VEZT: variants seen among roughly 807,000 people sequenced by gnomAD.
VEZT encodes vezatin.
A neutral mutation model predicts 79.9 loss-of-function variants in VEZT; 39 were observed. That is an observed-to-expected ratio of 0.49 (90% CI 0.38 to 0.64). The LOEUF is 0.64. VEZT is among the 30% of genes least tolerant of loss of function. VEZT has a pLI of 0.00. For missense variants in VEZT, 837 were observed against 893.1 expected (o/e 0.94, Z 0.80); for synonymous variants, 325 against 327.6 (o/e 0.99, Z 0.09).
intron 5 of VEZT, among the ~76,000 whole-genome samples, chr12:95,268,815 T>C (rs143880772): frequency 2.3e-3 from 355 of 152,350 alleles, no homozygotes; most frequent in South Asian, 4.3e-3. Flanking sequence ...TGAATCATAA[T>C]TTTTTAGACA....
At chr12:95,294,170 A>G in intron 9 of VEZT, 102 bp from the exon 10 acceptor site, 1 of 916,566 alleles carries the variant, frequency 1.1e-6, no homozygotes. Flanking sequence ...TACAGGCATG[A>G]GCCACCACAC....
intron 1 of VEZT, among the ~76,000 whole-genome samples, chr12:95,240,471 C>G (rs376634068): frequency 1.3e-4 from 20 of 152,188 alleles, no homozygotes; most frequent in Middle Eastern, 3.4e-3. Context: ...AAATTTAAGG[C>G]TCTACTGGAG....
intron 8 of VEZT, among the ~76,000 whole-genome samples, chr12:95,285,982 CTTTTTTTTTTTTT>C (rs869030351): frequency 2.3e-5 from 2 of 85,854 alleles, no homozygotes; most frequent in African/African-American, 4.1e-5. Context: ...CCGACCCCTT[CTTTTTTTTTTTTT>C]TTTTTTTTTT....
chr12:95,239,822 C>T (rs945870044), intron 1 of VEZT, among the ~76,000 whole-genome samples: 4 of 152,046 alleles, frequency 2.6e-5, no homozygotes, highest in Non-Finnish European at 5.9e-5. Flanking sequence ...TGTGGTGGCA[C>T]ATGCCTTTAA....
intron 1 of VEZT, among the ~76,000 whole-genome samples, chr12:95,237,560 A>G (rs2060363622): frequency 6.6e-6 from 1 of 152,230 alleles, no homozygotes; most frequent in Admixed American, 6.5e-5. Context: ...GGAGAAGATC[A>G]AGGGCCATTA....
intron 1 of VEZT, chr12:95,224,314 A>T: frequency 2.5e-6 from 1 of 397,032 alleles, no homozygotes. Context: ...ACCTAAAGCC[A>T]CAACTTTTTT....
intron 3 of VEZT, chr12:95,262,184 G>A (rs2064668296): frequency 6.6e-6 from 1 of 152,132 alleles, no homozygotes; most frequent in African/African-American, 2.4e-5. Context: ...TACTCTAGGT[G>A]TATTTCATCA....
intron 1 of VEZT, among the ~76,000 whole-genome samples, chr12:95,230,825 A>G (rs1453968945): frequency 6.6e-6 from 1 of 152,104 alleles, no homozygotes; most frequent in African/African-American, 2.4e-5. Context: ...CTAGATTTCA[A>G]ATAATATTTA....
chr12:95,282,048 A>T, intron 7 of VEZT, among the ~76,000 whole-genome samples: 1 of 152,014 alleles, frequency 6.6e-6, no homozygotes, highest in East Asian at 1.9e-4. Flanking sequence ...AAATTATCTC[A>T]TTCCATCAAC....
chr12:95,273,613 A>T (rs1482390325), intron 6 of VEZT, among the ~76,000 whole-genome samples: 1 of 152,192 alleles, frequency 6.6e-6, no homozygotes, highest in Non-Finnish European at 1.5e-5. Context: ...CCAGATCCAG[A>T]TGGTTTTATA....
chr12:95,258,332 G>C (rs2063798888), intron 3 of VEZT: 1 of 453,474 alleles, frequency 2.2e-6, no homozygotes, highest in East Asian at 7.0e-5. Context: ...GTCATAGTCT[G>C]CCTAGGCCTG....
chr12:95,294,212 C>T, intron 9 of VEZT, 60 bp from the exon 10 acceptor site: 1 of 1,393,902 alleles, frequency 7.2e-7, no homozygotes, highest in Non-Finnish European at 9.9e-7. Flanking sequence ...ATTAGATGTT[C>T]ACTCATTTCT....
chr12:95,250,277 T>C (rs1297422039), intron 1 of VEZT, among the ~76,000 whole-genome samples: 1 of 140,302 alleles, frequency 7.1e-6, no homozygotes, highest in Non-Finnish European at 1.5e-5. Context: ...GAATCAAGAT[T>C]TATTATTTTT....
intron 10 of VEZT, 126 bp from the exon 11 acceptor site, chr12:95,295,925 T>G: frequency 1.4e-6 from 1 of 701,742 alleles, no homozygotes; most frequent in Non-Finnish European, 2.3e-6. Context: ...AGCTCTGCTT[T>G]AATGACCTGT....
intron 2 of VEZT, among the ~76,000 whole-genome samples, chr12:95,255,567 G>C (rs1306299978): frequency 6.6e-6 from 1 of 152,090 alleles, no homozygotes; most frequent in African/African-American, 2.4e-5. Context: ...GAGTAGCTGG[G>C]ATTATAGGTG....
rs563261740 is a variant in VEZT, at chr12:95,244,297, G to A, written c.37-7643G>A. 1.3e-4 allele frequency among the ~76,000 whole-genome samples: 20 copies of A among 152,132 alleles called. No individual in the cohort carries two copies. The East Asian group carries it at 3.9e-3, about 29-fold the overall frequency. Reference sequence around the variant, plus strand: ...TACCAGCTACACAGGAGGTTGAGGTGGGAGGATTCCTCGAGCCCAGGAGTT... The same window carrying A: ...TACCAGCTACACAGGAGGTTGAGGTAGGAGGATTCCTCGAGCCCAGGAGTT... On this transcript the variant is annotated intron_variant, in intron 1 of 11. Coordinates refer to ENST00000436874, the MANE Select transcript of VEZT (RefSeq NM_017599.4).
intron 3 of VEZT, 76 bp downstream of exon 3, chr12:95,257,315 T>G: frequency 8.2e-7 from 1 of 1,218,500 alleles, no homozygotes; most frequent in Non-Finnish European, 1.1e-6. Flanking sequence ...CAGAATTTGT[T>G]TTGCTATCAA....
At chr12:95,248,862 AAAAC>A (rs1334884390) in intron 1 of VEZT, among the ~76,000 whole-genome samples, 1 of 151,984 alleles carries the variant, frequency 6.6e-6, no homozygotes, top group Non-Finnish European at 1.5e-5. Context: ...AGAAAAACAG[AAAAC>A]AAACAAAAAG....
intron 1 of VEZT, among the ~76,000 whole-genome samples, chr12:95,237,215 G>A (rs1456725320): frequency 6.6e-6 from 1 of 152,020 alleles, no homozygotes; most frequent in Non-Finnish European, 1.5e-5. Flanking sequence ...GTGACCTTGG[G>A]CAAGTTCCCT....
Sources: gnomAD v4.1 joint callset for allele counts (sites outside exome capture counted in the v4.1 genomes callset) on GRCh38, gnomAD v4.1.1 for gene constraint, MANE v1.5 for transcripts, NCBI Gene and HGNC (gene_info 2026-07-23, HGNC 2026-07-21) for gene names.